Variants in RANBP9 observed in about 807,000 individuals in gnomAD.
RANBP9 encodes ran-binding protein 9.
A neutral mutation model predicts 84.3 loss-of-function variants in RANBP9; 15 were observed. That is an observed-to-expected ratio of 0.18 (90% CI 0.12 to 0.27). The LOEUF (loss-of-function observed/expected upper bound fraction) is 0.27, where lower values mean the gene tolerates loss of function less well. RANBP9 is among the 10% of genes least tolerant of loss of function. The probability of loss-of-function intolerance (pLI) is 1.00; values close to 1 mark genes in which losing one functional copy is unlikely to be tolerated. For missense variants in RANBP9, 809 were observed against 912.8 expected, an observed-to-expected ratio of 0.89 and a Z score of 1.46; for synonymous variants, 392 against 349.6, an observed-to-expected ratio of 1.12 and a Z score of -1.35.
chr6:13,650,749 T>C (rs766364534), intron 5 of RANBP9, among the ~76,000 whole-genome samples: 3 of 152,142 alleles, frequency 2.0e-5, no homozygotes, highest in South Asian at 4.2e-4. Flanking sequence ...CAGTATCACA[T>C]AGAAAATCAT....
Position 13,639,544 on chromosome 6 carries a change from G to A in RANBP9, c.1525+19C>T, listed in dbSNP as rs144646137. 1,467 of 1,569,852 alleles carry A rather than the reference G, an allele frequency of 9.3e-4. 23 individuals carry two copies. In the East Asian group the frequency reaches 0.028, roughly 30 times the overall value. ...TAAAGAGGAAAAATCTAAAAATAAT[G>A]TCATAAGTTAAATCTCACCTGAAAA... On this transcript the variant is annotated intron_variant, in intron 9 of 13. Transcript: ENST00000011619.
intron 11 of RANBP9, 107 bp downstream of exon 11, chr6:13,634,324 C>T (rs1385079854): frequency 7.4e-7 from 1 of 1,356,494 alleles, no homozygotes. Context: ...ACAGCACATA[C>T]ATCTTTAAAT....
intron 2 of RANBP9, among the ~76,000 whole-genome samples, chr6:13,674,134 A>C (rs1765835003): frequency 6.6e-6 from 1 of 152,128 alleles, no homozygotes. Flanking sequence ...AACAAGTATA[A>C]TGAGTAAGAA....
Position 13,637,943 on chromosome 6 carries a change from C to A in RANBP9, c.1538G>T (p.Cys513Phe), listed in dbSNP as rs372235249. The A allele has an allele frequency of 3.8e-6, 6 of 1,596,048 alleles. No individual in the cohort carries two copies. In the South Asian group the frequency reaches 4.6e-5, roughly 12 times the overall value. ...TTTATTTGATATTACACCATTACTA[C>A]AACTTTCAAAACCTGAAGAAAAAGA... ...STAHFSGFES[C>F]SNGVISNKAH... Residue 513 changes from cysteine to phenylalanine, a missense_variant, in exon 10 of 14, where the codon TGT (cysteine) becomes TTT (phenylalanine). Physicochemically the swap from Cys to Phe is radical, Grantham distance 205 (BLOSUM62 -2). This residue lies in a region of RANBP9 where 216 missense variants were observed against 329.0 expected (regional missense o/e 0.66). Coordinates refer to ENST00000011619, the MANE Select transcript of RANBP9 (RefSeq NM_005493.3).
intron 12 of RANBP9, among the ~76,000 whole-genome samples, chr6:13,626,946 T>C (rs1281234308): frequency 1.3e-5 from 2 of 152,136 alleles, no homozygotes; most frequent in African/African-American, 4.8e-5. Flanking sequence ...GAATAACCCA[T>C]GAAGAAATGC....
intron 2 of RANBP9, among the ~76,000 whole-genome samples, chr6:13,676,710 C>T (rs894182965): frequency 1.3e-5 from 2 of 151,832 alleles, no homozygotes; most frequent in Non-Finnish European, 2.9e-5. Context: ...GCTGGCTCAA[C>T]ATTCAAAAAA....
chr6:13,677,570 AAGTT>A (rs1023473795), intron 2 of RANBP9, among the ~76,000 whole-genome samples: 3 of 152,152 alleles, frequency 2.0e-5, no homozygotes, highest in African/African-American at 7.2e-5. Context: ...AGAGCACCAA[AAGTT>A]AGTTACTACA....
intron 2 of RANBP9, among the ~76,000 whole-genome samples, chr6:13,676,875 A>G (rs1765896694): frequency 6.6e-6 from 1 of 152,180 alleles, no homozygotes; most frequent in African/African-American, 2.4e-5. Flanking sequence ...AACTTAATAA[A>G]GAACATCTAC....
intron 2 of RANBP9, among the ~76,000 whole-genome samples, chr6:13,674,130 T>C (rs1400119068): frequency 6.8e-6 from 1 of 148,108 alleles, no homozygotes; most frequent in East Asian, 1.9e-4. Context: ...AAGGAACAAG[T>C]ATAATGAGTA....
In RANBP9 at chr6:13,642,535, G is replaced by T; in HGVS notation, c.1169C>A (p.Ala390Asp). The T allele has an allele frequency of 6.2e-7, 1 of 1,611,988 alleles. No individual in the cohort carries two copies. Among genetic ancestry groups the T allele is most frequent in the Non-Finnish European group, 8.5e-7 (1 of 1,178,654 alleles). Residue 390 changes from alanine (A) to aspartate (D), a missense_variant, in exon 7 of 14, where the codon GCC (alanine) becomes GAC (aspartate). This residue lies in a region of RANBP9 where 216 missense variants were observed against 329.0 expected (regional missense o/e 0.66). Coordinates refer to ENST00000011619, the MANE Select transcript of RANBP9 (RefSeq NM_005493.3). The part of the protein sequence containing the change: ...HGYCATAEAF[A>D]RSTDQTVLEE... ...TAGAACGGTCTGGTCTGTAGATCTG[G>T]CAAAGGCCTCTGCTGTGGCACAGTA...
chr6:13,695,847 C>CT (rs1283376277), intron 2 of RANBP9, among the ~76,000 whole-genome samples: 2 of 152,098 alleles, frequency 1.3e-5, no homozygotes, highest in Non-Finnish European at 2.9e-5. Flanking sequence ...GAGTAATCTA[C>CT]TGAATACACT....
At chr6:13,639,361 T>A (rs1335064555) in intron 9 of RANBP9, among the ~76,000 whole-genome samples, 1 of 151,960 alleles carries the variant, frequency 6.6e-6, no homozygotes, top group Non-Finnish European at 1.5e-5. Context: ...GTATTTTTAG[T>A]AGAGATGGGG....
intron 12 of RANBP9, among the ~76,000 whole-genome samples, chr6:13,632,118 C>CTTTTTTTTTTTTTTTTTTTTT (rs752500098): frequency 4.0e-5 from 3 of 74,966 alleles, no homozygotes; most frequent in Non-Finnish European, 7.8e-5. Flanking sequence ...GGATTTAATC[C>CTTTTTTTTTTTTTTTTTTTTT]TTTTTTTTTT....
chr6:13,686,563 G>T (rs1766195502), intron 2 of RANBP9, among the ~76,000 whole-genome samples: 1 of 151,946 alleles, frequency 6.6e-6, no homozygotes, highest in South Asian at 2.1e-4. Context: ...GGGATTACAG[G>T]CATGAGCCAC....
At chr6:13,687,615 T>TTAC (rs1766220766) in intron 2 of RANBP9, among the ~76,000 whole-genome samples, 1 of 152,194 alleles carries the variant, frequency 6.6e-6, no homozygotes, top group African/African-American at 2.4e-5. Flanking sequence ...CTTTACGTGC[T>TTAC]TACTACTCCT....
At chr6:13,692,541 A>AC (rs1766349549) in intron 2 of RANBP9, among the ~76,000 whole-genome samples, 1 of 145,550 alleles carries the variant, frequency 6.9e-6, no homozygotes. Flanking sequence ...AAAAAAAAAA[A>AC]AAAAAAAAAA....
chr6:13,640,497 A>G (rs558037571), intron 8 of RANBP9, among the ~76,000 whole-genome samples: 1 of 152,350 alleles, frequency 6.6e-6, no homozygotes, highest in East Asian at 1.9e-4. Flanking sequence ...AAGAGGTAGA[A>G]GCAAACTTTA....
intron 2 of RANBP9, among the ~76,000 whole-genome samples, chr6:13,687,007 G>A (rs1006247340): frequency 1.2e-4 from 18 of 152,164 alleles, no homozygotes; most frequent in Non-Finnish European, 2.2e-4. Flanking sequence ...AATCTTAGAT[G>A]ATTATGTAAC....
At chr6:13,679,559 C>A (rs1406505385) in intron 2 of RANBP9, among the ~76,000 whole-genome samples, 2 of 152,084 alleles carry the variant, frequency 1.3e-5, no homozygotes, top group Admixed American at 6.5e-5. Context: ...TACTTTTCAC[C>A]CAACAGACAC....
Sources: allele counts gnomAD v4.1 joint callset (sites outside exome capture counted in the v4.1 genomes callset), GRCh38; gene constraint gnomAD v4.1.1; regional missense constraint gnomAD v4.1.1; transcripts MANE v1.5; gene names NCBI Gene and HGNC (gene_info 2026-07-23, HGNC 2026-07-21).